Variants in BRI3 observed in about 807,000 individuals in gnomAD.
The protein encoded by BRI3 is brain protein I3, also known as membrane protein BRI3.
In BRI3, 6 loss-of-function variants were observed where a neutral mutation model predicts 12.8. The observed-to-expected ratio is 0.47, with a 90% confidence interval of 0.26 to 0.93. The LOEUF (loss-of-function observed/expected upper bound fraction) is 0.93. BRI3 is among the 40% of genes least tolerant of loss of function. The probability of loss-of-function intolerance (pLI) is 0.15; values close to 1 mark genes in which losing one functional copy is unlikely to be tolerated. For missense variants in BRI3, 134 were observed against 171.1 expected (o/e 0.78, Z 1.21); for synonymous variants, 91 against 76.1 (o/e 1.20, Z -1.02).
the BRI3 span, among the ~76,000 whole-genome samples, chr7:98,319,814 G>C: frequency 1.1e-4 from 16 of 152,312 alleles, no homozygotes; most frequent in African/African-American, 3.6e-4. Context: ...GCCTCCCAAA[G>C]TGCTGGGATT....
the BRI3 span, among the ~76,000 whole-genome samples, chr7:98,316,043 G>A: frequency 9.2e-5 from 14 of 152,154 alleles, no homozygotes; most frequent in Admixed American, 9.2e-4. Flanking sequence ...TGTGTTTGGG[G>A]AGGGACCTGG....
chr7:98,314,277 G>A (rs956192433), downstream of BRI3, among the ~76,000 whole-genome samples: 1 of 151,976 alleles, frequency 6.6e-6, no homozygotes, highest in Non-Finnish European at 1.5e-5. Context: ...GCCACCATGC[G>A]CAGTCCTGAA....
intron 2 of BRI3, 121 bp from the exon 3 acceptor site, chr7:98,290,990 C>T (rs894250783): frequency 5.6e-5 from 66 of 1,183,174 alleles, no homozygotes; most frequent in Non-Finnish European, 7.2e-5. Flanking sequence ...CTGTCACTCG[C>T]CAGAGGTCCC....
intron 2 of BRI3, among the ~76,000 whole-genome samples, chr7:98,288,563 C>T (rs767491159): frequency 6.6e-6 from 1 of 150,930 alleles, no homozygotes; most frequent in African/African-American, 2.4e-5. Flanking sequence ...TGCCTTGGAG[C>T]TTCATGGTGT....
At chr7:98,291,048 G>T (rs190137205) in intron 2 of BRI3, 63 bp from the exon 3 acceptor site, 277 of 1,590,512 alleles carry the variant, frequency 1.7e-4, no homozygotes, top group Non-Finnish European at 1.6e-5. Context: ...AGGGTGGCAG[G>T]GGTGAGGGTT....
At chr7:98,313,000 C>T (rs749508918), downstream of BRI3, among the ~76,000 whole-genome samples, 1 of 152,118 alleles carries the variant, frequency 6.6e-6, no homozygotes, top group Admixed American at 6.5e-5. Context: ...GCCTGTCCTG[C>T]GGCTGTGTGC....
At chr7:98,307,761 C>A (rs756751298) in exon 2 of BRI3, 1 of 1,614,250 alleles carries the variant, frequency 6.2e-7, no homozygotes, top group East Asian at 2.2e-5. Context: ...GATGACATCT[C>A]CCTGTGCAAA....
the BRI3 span, among the ~76,000 whole-genome samples, chr7:98,321,015 C>T: frequency 1.2e-4 from 19 of 152,110 alleles, no homozygotes; most frequent in African/African-American, 4.1e-4. Flanking sequence ...CACCACCACA[C>T]TCAGCTATTT....
the BRI3 span, among the ~76,000 whole-genome samples, chr7:98,320,990 G>T: frequency 6.6e-6 from 1 of 152,128 alleles, no homozygotes; most frequent in African/African-American, 2.4e-5. Context: ...CCGAGTAGCT[G>T]GGACTACAGG....
intron 2 of BRI3, 37 bp downstream of exon 2, chr7:98,282,490 G>C (rs780416860): frequency 1.9e-6 from 3 of 1,562,438 alleles, no homozygotes; most frequent in Non-Finnish European, 2.6e-6. Flanking sequence ...GGCCCTGGAA[G>C]CTCTGAGGAC....
chr7:98,285,711 G>T (rs1799689410), intron 2 of BRI3, among the ~76,000 whole-genome samples: 1 of 152,186 alleles, frequency 6.6e-6, no homozygotes, highest in African/African-American at 2.4e-5. Flanking sequence ...TTCTTCCACA[G>T]GGGAGGCGAG....
At chr7:98,282,647 C>G (rs751310902) in intron 2 of BRI3, 194 bp downstream of exon 2, 2 of 572,258 alleles carry the variant, frequency 3.5e-6, no homozygotes, top group Non-Finnish European at 6.2e-6. Context: ...ACCCTTGGCT[C>G]TGAACACATT....
chr7:98,308,819 A>AT (rs1800763990), exon 2 of BRI3: 2 of 154,066 alleles, frequency 1.3e-5, no homozygotes, highest in Admixed American at 1.3e-4. Flanking sequence ...CTGGGACTAC[A>AT]GGCACACGCC....
chr7:98,290,849 C>G (rs983646699), intron 2 of BRI3, among the ~76,000 whole-genome samples: 1 of 152,220 alleles, frequency 6.6e-6, no homozygotes, highest in Middle Eastern at 3.2e-3. Flanking sequence ...TTTATTCTTC[C>G]CGTTTTCTTT....
downstream of BRI3, chr7:98,310,627 T>C (rs772399482): frequency 6.6e-7 from 1 of 1,506,098 alleles, no homozygotes; most frequent in Non-Finnish European, 8.9e-7. Flanking sequence ...AATATTAGTA[T>C]AGTGCAGAAC....
At chr7:98,311,573 G>A (rs982109159), downstream of BRI3, among the ~76,000 whole-genome samples, 3 of 151,000 alleles carry the variant, frequency 2.0e-5, no homozygotes, top group African/African-American at 7.3e-5. Context: ...AAACAGTAAG[G>A]ATAAAATTTC....
chr7:98,318,166 TCTAAAGGTTA>T, the BRI3 span, among the ~76,000 whole-genome samples: 1 of 152,230 alleles, frequency 6.6e-6, no homozygotes, highest in African/African-American at 2.4e-5. Flanking sequence ...TTGGCTTTGT[TCTAAAGGTTA>T]CTGTTTAAAT....
the BRI3 span, among the ~76,000 whole-genome samples, chr7:98,319,671 C>T: frequency 1.2e-4 from 19 of 152,096 alleles, no homozygotes; most frequent in Non-Finnish European, 1.9e-4. Context: ...CTCATCCTCC[C>T]GAGTAGCTGG....
chr7:98,293,019 CATTTAT>C, downstream of BRI3: 1 of 1,027,618 alleles, frequency 9.7e-7, no homozygotes, highest in Non-Finnish European at 1.2e-6. Flanking sequence ...AGTTAAATTA[CATTTAT>C]ATAGTATTTT....
Sources: gnomAD v4.1 joint callset for allele counts (sites outside exome capture counted in the v4.1 genomes callset) on GRCh38, gnomAD v4.1.1 for gene constraint, MANE v1.5 for transcripts, NCBI Gene and HGNC (gene_info 2026-07-23, HGNC 2026-07-21) for gene names.